USP40: variants seen among roughly 807,000 people sequenced by gnomAD.
The protein encoded by USP40 is ubiquitin carboxyl-terminal hydrolase 40.
In USP40, 143 loss-of-function variants were observed where a neutral mutation model predicts 166.2. The ratio of observed to expected loss-of-function variants is 0.86; its 90% CI spans 0.75 to 0.99. USP40 has a LOEUF of 0.99. USP40 is among the 50% of genes least tolerant of loss of function. The pLI is 0.00. For missense variants in USP40, 1,444 were observed against 1,479.7 expected, an observed-to-expected ratio of 0.98 and a Z score of 0.40; for synonymous variants, 498 against 524.0, an observed-to-expected ratio of 0.95 and a Z score of 0.68.
chr2:233,503,723 T>C lies in USP40; in HGVS notation c.2614-3808A>G, dbSNP rs143626938. Among the ~76,000 whole-genome samples, 591 of 152,196 alleles carry C rather than the reference T, an allele frequency of 3.9e-3. 5 individuals are homozygous for C. The highest frequency in any genetic ancestry group is 7.1e-3 in the Non-Finnish European group (481 of 67,980). The stretch of plus-strand genomic sequence containing the variant: ...TATAAATCTCAGATAAGCAAAAAGC[T>C]AAAGGAATTTATCACCACTAGACCA... On this transcript the variant is annotated intron_variant, in intron 21 of 31. Coordinates refer to ENST00000678225, the MANE Select transcript of USP40 (RefSeq NM_001365479.2).
chr2:233,511,018 G>T (rs1288713706), intron 20 of USP40, among the ~76,000 whole-genome samples: 1 of 152,152 alleles, frequency 6.6e-6, no homozygotes, highest in East Asian at 1.9e-4. Flanking sequence ...AGTTAAGGGG[G>T]AAGTGGTTGG....
intron 10 of USP40, 113 bp downstream of exon 10, chr2:233,540,549 G>T: frequency 1.6e-6 from 1 of 627,766 alleles, no homozygotes; most frequent in East Asian, 2.8e-5. Flanking sequence ...ATACAAATAC[G>T]GTGATTTTAT....
intron 28 of USP40, chr2:233,487,826 CAAAT>C (rs2065042645): frequency 2.5e-6 from 1 of 397,796 alleles, no homozygotes; most frequent in Non-Finnish European, 5.1e-6. Context: ...CAGATACTAA[CAAAT>C]AAATCAGTAA....
rs1256650927 is a variant in USP40, at chr2:233,541,325, A to G, written c.1063-556T>C. 4.6e-5 allele frequency among the ~76,000 whole-genome samples: 7 copies of G among 152,218 alleles called. No individual in the cohort carries two copies. In the East Asian group the frequency reaches 1.2e-3, roughly 25 times the overall value. On this transcript the variant is annotated intron_variant, in intron 9 of 31. Transcript: ENST00000678225. ...TTAAGGTAAAACGAGGCTGTTTTCC[A>G]TTTTAGAGTAGGCCCTAAGTAAATC...
chr2:233,507,280 TA>T (rs1472580306), intron 21 of USP40, among the ~76,000 whole-genome samples: 2 of 152,122 alleles, frequency 1.3e-5, no homozygotes, highest in Admixed American at 6.6e-5. Context: ...CTCACAAAAA[TA>T]AACATAGAAC....
intron 2 of USP40, among the ~76,000 whole-genome samples, chr2:233,563,357 G>A (rs917676297): frequency 6.6e-6 from 1 of 152,140 alleles, no homozygotes; most frequent in Admixed American, 6.5e-5. Flanking sequence ...TAGGTGATGT[G>A]CCACCCAATG....
intron 26 of USP40, 127 bp from the exon 27 acceptor site, chr2:233,489,610 A>G (rs1191900091): frequency 5.4e-6 from 4 of 746,556 alleles, no homozygotes; most frequent in East Asian, 2.7e-5. Flanking sequence ...AAGTAATGAT[A>G]ACATCATTTT....
intron 8 of USP40, among the ~76,000 whole-genome samples, chr2:233,548,733 A>T (rs1179387382): frequency 2.0e-5 from 3 of 152,148 alleles, no homozygotes. Flanking sequence ...GAAGATAAAC[A>T]CTCAAGTATT....
intron 18 of USP40, among the ~76,000 whole-genome samples, chr2:233,517,344 A>G (rs2067270579): frequency 6.6e-6 from 1 of 151,822 alleles, no homozygotes; most frequent in Non-Finnish European, 1.5e-5. Context: ...GAAGAAAAGA[A>G]GTCATTATAC....
At chr2:233,507,917 C>T (rs2066542535) in intron 21 of USP40, among the ~76,000 whole-genome samples, 1 of 151,924 alleles carries the variant, frequency 6.6e-6, no homozygotes, top group Middle Eastern at 3.4e-3. Flanking sequence ...TTATACAACA[C>T]ATATATGTAC....
chr2:233,505,494 C>T (rs957179425), intron 21 of USP40, among the ~76,000 whole-genome samples: 3 of 152,016 alleles, frequency 2.0e-5, no homozygotes, highest in African/African-American at 7.2e-5. Context: ...GAAAATCAGA[C>T]ATTACAATTG....
At chr2:233,510,787 G>C (rs1217838793) in intron 20 of USP40, among the ~76,000 whole-genome samples, 1 of 152,130 alleles carries the variant, frequency 6.6e-6, no homozygotes, top group Non-Finnish European at 1.5e-5. Context: ...CACACAGTTA[G>C]CATTAGTATG....
chr2:233,507,618 TAAA>T (rs142033382), intron 21 of USP40, among the ~76,000 whole-genome samples: 1 of 134,638 alleles, frequency 7.4e-6, no homozygotes, highest in African/African-American at 2.7e-5. Context: ...TGTGGAATCT[TAAA>T]AAAAAAAAAA....
intron 23 of USP40, among the ~76,000 whole-genome samples, chr2:233,497,828 C>T (rs565955205): frequency 6.6e-6 from 1 of 152,230 alleles, no homozygotes. Context: ...GACTGCTAAA[C>T]AGCAAAGAGC....
chr2:233,477,595 A>G (rs2064254091), intron 31 of USP40, 92 bp from the exon 32 acceptor site: 2 of 1,075,350 alleles, frequency 1.9e-6, no homozygotes, highest in Admixed American at 4.0e-5. Flanking sequence ...CTCCAATTTT[A>G]TAGGCCACAA....
chr2:233,480,029 G>T lies in USP40; in HGVS notation c.3599+1174C>A, dbSNP rs1375187283. Among the ~76,000 whole-genome samples, 1 of 152,160 alleles carries T rather than the reference G, an allele frequency of 6.6e-6. No individual in the cohort carries two copies. The highest frequency in any genetic ancestry group is 1.5e-5 in the Non-Finnish European group (1 of 68,024). The stretch of plus-strand genomic sequence containing the variant: ...GAATCCACTCACCACAAAGCAGCCA[G>T]TGATCATGTCAACGCGTCCCCCTTC... On this transcript the variant is annotated intron_variant, in intron 31 of 31. Coordinates refer to ENST00000678225, the MANE Select transcript of USP40 (RefSeq NM_001365479.2). The surrounding 1 kb of genome is among the most constrained non-coding windows in gnomAD (Gnocchi z 4.5).
At chr2:233,498,320 T>A (rs1166708082) in intron 23 of USP40, among the ~76,000 whole-genome samples, 1 of 152,184 alleles carries the variant, frequency 6.6e-6, no homozygotes, top group African/African-American at 2.4e-5. Context: ...AGAGGCATAC[T>A]CTCATGGCAA....
rs754584208 is a variant in USP40 at position 233,556,941 on chromosome 2, C to G, written c.460G>C (p.Gly154Arg). Residue 154 changes from glycine (G) to arginine (R), a missense_variant, in exon 5 of 32, where the codon GGT (glycine) becomes CGT (arginine). Physicochemically the swap from Gly to Arg is moderately radical, Grantham distance 125 (BLOSUM62 -2). Coordinates refer to ENST00000678225, the MANE Select transcript of USP40 (RefSeq NM_001365479.2). ...ALETSLVGTS[G>R]HDLIYRLYHG... is the part of the protein sequence containing the mutation. Reference sequence around the variant, plus strand: ...TACAGACGATAGATGAGGTCATGACCGGAGGTCCCAACTAAAGAAGTTTCC... The same window carrying G: ...TACAGACGATAGATGAGGTCATGACGGGAGGTCCCAACTAAAGAAGTTTCC... 6.2e-7 allele frequency: 1 copy of G among 1,613,846 alleles called. No homozygotes were observed. The highest frequency in any genetic ancestry group is 2.2e-5 in the East Asian group (1 of 44,862).
chr2:233,516,472 C>T (rs867215731), intron 18 of USP40, among the ~76,000 whole-genome samples: 3 of 152,098 alleles, frequency 2.0e-5, no homozygotes, highest in African/African-American at 7.2e-5. Context: ...CCTAGGCGGG[C>T]GGATCACGAG....
Sources: gnomAD v4.1 joint callset for allele counts (sites outside exome capture counted in the v4.1 genomes callset) on GRCh38, gnomAD v4.1.1 for gene constraint, Gnocchi (gnomAD v3.1) non-coding constraint, MANE v1.5 for transcripts, NCBI Gene and HGNC (gene_info 2026-07-23, HGNC 2026-07-21) for gene names.